The following RPL27 variants were observed in gnomAD, a reference collection of about 807,000 sequenced individuals.
RPL27 encodes the protein large ribosomal subunit protein eL27.
For missense variants in RPL27, 131 were observed against 174.3 expected (o/e 0.75, Z 1.40); for synonymous variants, 77 against 61.0 (o/e 1.26, Z -1.22).
Position 43,002,862 on chromosome 17 carries a change from T to C in RPL27, c.363-10T>C, listed in dbSNP as rs775877584. On this transcript the variant is annotated splice_polypyrimidine_tract_variant and intron_variant, in intron 4 of 4. Transcript: ENST00000253788. ...TTTCCTCATTGGTGTCCTCTTTTTT[T>C]CCCTTCTAGATACAAGACAGGCAAG... The C allele has an allele frequency of 4.3e-6, 7 of 1,613,674 alleles. No homozygotes were observed. In the South Asian group the frequency reaches 4.4e-5, roughly 10 times the overall value.
chr17:43,000,395 A>T (rs2050347011), intron 3 of RPL27, among the ~76,000 whole-genome samples: 4 of 152,140 alleles, frequency 2.6e-5, no homozygotes. Context: ...GAGTGCGTGA[A>T]AGCAAGTCTT....
intron 2 of RPL27, chr17:42,999,288 TA>T (rs1394002875): frequency 4.4e-5 from 7 of 157,898 alleles, no homozygotes; most frequent in African/African-American, 1.7e-4. Context: ...TGGCTGGGAC[TA>T]CAGGTGCGTG....
intron 3 of RPL27, among the ~76,000 whole-genome samples, chr17:43,002,307 C>T (rs573233907): frequency 3.3e-5 from 5 of 151,486 alleles, no homozygotes; most frequent in Admixed American, 6.6e-5. Context: ...AGATCAAGAC[C>T]GTCCTGGCTA....
In RPL27 at chr17:42,998,891, G is replaced by T. The variant is rs556551254; in HGVS notation, c.81+60G>T. On this transcript the variant is annotated intron_variant, in intron 2 of 4. Transcript: ENST00000253788. ...CCGGGACCAGGCTGGCTGCGGCGGG[G>T]CGGGCAGGCTTGGAATTCAAGGCCT... 26 of 1,441,598 alleles carry T rather than the reference G, an allele frequency of 1.8e-5. No individual in the cohort carries two copies. The South Asian group carries it at 2.9e-4, about 16-fold the overall frequency. The allele number at this position is 1,441,598 out of a possible 1,614,324, so 89.3% of individuals were successfully genotyped here.
In RPL27 at chr17:43,000,909, C is replaced by T. The variant is rs552499041; in HGVS notation, c.251+807C>T. ...GTCTCTACTAAAAATACAAAATTAG[C>T]TGGGCATGGTAATCCTGTAATCCCA... On this transcript the variant is annotated intron_variant, in intron 3 of 4. Transcript: ENST00000253788. Among the ~76,000 whole-genome samples the T allele has an allele frequency of 1.7e-3, 258 of 151,778 alleles. 1 individual carries two copies. The highest frequency in any genetic ancestry group is 6.2e-3 in the African/African-American group (255 of 41,460).
rs1378296304 is a variant in RPL27 at position 43,000,051 on chromosome 17, A to C, written c.200A>C (p.Lys67Thr). The part of the protein sequence containing the change: ...MGKKKIAKRS[K>T]IKSFVKVYNY... ...AAGAAGAAGATCGCCAAGAGATCAA[A>C]GATAAAATCTTTTGTGAAAGTGTAT... Residue 67 changes from lysine (K) to threonine (T), a missense_variant, in exon 3 of 5, where the codon AAG becomes ACG. By Grantham distance (78) the Lys-to-Thr change is moderately conservative. Coordinates refer to ENST00000253788, the MANE Select transcript of RPL27 (RefSeq NM_000988.5). The C allele has an allele frequency of 6.2e-7, 1 of 1,613,112 alleles. No individual in the cohort carries two copies. Among genetic ancestry groups the C allele is most frequent in the Non-Finnish European group, 8.5e-7 (1 of 1,179,986 alleles).
At chr17:43,002,083 CTG>C (rs1567738833) in intron 3 of RPL27, among the ~76,000 whole-genome samples, 3 of 151,310 alleles carry the variant, frequency 2.0e-5, no homozygotes, top group Middle Eastern at 3.4e-3. Context: ...AACAGCGAGA[CTG>C]TGTCTCAAAA....
At chr17:42,999,840 A>G in intron 2 of RPL27, 93 bp from the exon 3 acceptor site, 1 of 950,228 alleles carries the variant, frequency 1.1e-6, no homozygotes, top group Non-Finnish European at 1.6e-6. Context: ...TGGAGACCTG[A>G]GGGTGGAAAT....
rs1446973371 is a variant in RPL27 at position 42,998,428 on chromosome 17, G to A, written c.-46G>A. The A allele has an allele frequency of 2.3e-5, 5 of 212,910 alleles. No homozygotes were observed. The highest frequency in any genetic ancestry group is 1.6e-3 in the Middle Eastern group (1 of 636). 13.2% of individuals were successfully genotyped at this position (212,910 alleles called of 1,614,324 possible). On this transcript the variant is annotated 5_prime_UTR_variant, in exon 1 of 5. Coordinates refer to ENST00000253788, the MANE Select transcript of RPL27 (RefSeq NM_000988.5). ...ACCGGGGTGAAAGGTTAGCGGAAGTGTCCTTCTTTCCTTTTTGCTGGTAGG... is the reference window on the plus strand; with the variant it reads ...ACCGGGGTGAAAGGTTAGCGGAAGTATCCTTCTTTCCTTTTTGCTGGTAGG...
Position 42,999,973 on chromosome 17 carries a change from C to G in RPL27, c.122C>G (p.Ala41Gly), listed in dbSNP as rs2050341957. 2 of 1,612,076 alleles carry G rather than the reference C, an allele frequency of 1.2e-6. No individual in the cohort carries two copies. Among genetic ancestry groups the G allele is most frequent in the Non-Finnish European group, 1.7e-6 (2 of 1,179,794 alleles). Reference sequence around the variant, plus strand: ...ACCTCAGATCGCCCCTACAGCCATGCTCTGGTGGCTGGAATTGACCGCTAC... The same window carrying G: ...ACCTCAGATCGCCCCTACAGCCATGGTCTGGTGGCTGGAATTGACCGCTAC... Reference protein sequence around the residue: ...DGTSDRPYSHALVAGIDRYPR... With the variant: ...DGTSDRPYSHGLVAGIDRYPR... Residue 41 changes from alanine to glycine, a missense_variant, in exon 3 of 5, where the codon GCT becomes GGT. Coordinates refer to ENST00000253788, the MANE Select transcript of RPL27 (RefSeq NM_000988.5).
intron 3 of RPL27, among the ~76,000 whole-genome samples, chr17:43,001,919 G>A (rs2050366349): frequency 2.0e-5 from 3 of 150,652 alleles, no homozygotes; most frequent in East Asian, 2.0e-4. Flanking sequence ...GTGAAACCCC[G>A]TCTCTACTGA....
At chr17:42,998,999 A>G (rs1389543766) in intron 2 of RPL27, 168 bp downstream of exon 2, 1 of 582,444 alleles carries the variant, frequency 1.7e-6, no homozygotes, top group Admixed American at 3.0e-5. Flanking sequence ...GTAAAAGCAA[A>G]TGTGAGCTGA....
chr17:43,000,474 T>C (rs1287508017), intron 3 of RPL27, among the ~76,000 whole-genome samples: 1 of 10,292 alleles, frequency 9.7e-5, no homozygotes, highest in African/African-American at 1.6e-4. Context: ...GTACAGTGTT[T>C]TGTTTTGTTT....
intron 2 of RPL27, 145 bp from the exon 3 acceptor site, chr17:42,999,788 C>G: frequency 1.6e-6 from 1 of 630,490 alleles, no homozygotes; most frequent in Non-Finnish European, 2.8e-6. Context: ...TTGGTCATTT[C>G]TCATAGCTTT....
In RPL27 at chr17:43,000,228, A is replaced by C. The variant is rs937856127; in HGVS notation, c.251+126A>C. 10 of 743,002 alleles carry C rather than the reference A, an allele frequency of 1.3e-5. No homozygotes were observed. In the Admixed American group the frequency reaches 1.5e-4, roughly 11 times the overall value. The allele number at this position is 743,002 out of a possible 1,614,324, so 46.0% of individuals were successfully genotyped here. ...TCCAAAATGTTCATCTTCAACTCAT[A>C]AAGTGGCTATGGTTTCCAGTTTTGC... is the stretch of plus-strand genomic sequence containing the variant. On this transcript the variant is annotated intron_variant, in intron 3 of 4. Coordinates refer to ENST00000253788, the MANE Select transcript of RPL27 (RefSeq NM_000988.5).
At chr17:43,000,158 G>GAGAC in intron 3 of RPL27, 56 bp downstream of exon 3, 1 of 1,338,650 alleles carries the variant, frequency 7.5e-7, no homozygotes, top group Non-Finnish European at 1.1e-6. Flanking sequence ...GTTGAATAAT[G>GAGAC]AGACAGACCT....
At position 43,000,562 on chromosome 17, in the gene RPL27, C is replaced by T. The variant is rs552831677; in HGVS notation, c.251+460C>T. 5.3e-5 allele frequency among the ~76,000 whole-genome samples: 8 copies of T among 150,324 alleles called. No homozygotes were observed. The East Asian group carries it at 7.9e-4, about 15-fold the overall frequency. On this transcript the variant is annotated intron_variant, in intron 3 of 4. Coordinates refer to ENST00000253788, the MANE Select transcript of RPL27 (RefSeq NM_000988.5). Reference sequence around the variant, plus strand: ...ACACCATTCTTCTGCCTCAGCCTCCCGAGTAGCTGGGAGTACAGGCACCTG... The same window carrying T: ...ACACCATTCTTCTGCCTCAGCCTCCTGAGTAGCTGGGAGTACAGGCACCTG...
intron 3 of RPL27, among the ~76,000 whole-genome samples, chr17:43,000,995 G>A (rs1455217715): frequency 6.6e-6 from 1 of 151,448 alleles, no homozygotes; most frequent in Non-Finnish European, 1.5e-5. Flanking sequence ...GTTGCAGTGA[G>A]CCAAGATCAC....
chr17:42,998,595 C>T (rs2050324718), intron 1 of RPL27, 124 bp downstream of exon 1: 5 of 600,908 alleles, frequency 8.3e-6, no homozygotes, highest in Admixed American at 5.9e-5. Flanking sequence ...CCGATCCTGT[C>T]CTGCGAGCAG....
Sources: gnomAD v4.1 joint callset for allele counts (sites outside exome capture counted in the v4.1 genomes callset) on GRCh38, gnomAD v4.1.1 for gene constraint, MANE v1.5 for transcripts, NCBI Gene and HGNC (gene_info 2026-07-23, HGNC 2026-07-21) for gene names.